Variants in KIAA1217 observed in about 807,000 individuals in gnomAD.
The protein encoded by KIAA1217 is KIAA1217, also known as sickle tail protein homolog.
KIAA1217 carries 88 observed loss-of-function variants against 163.9 expected under a neutral mutation model. The ratio of observed to expected loss-of-function variants is 0.54; its 90% confidence interval spans 0.45 to 0.64. The LOEUF is 0.64. Ranked by LOEUF, KIAA1217 falls within the 30% of genes least tolerant of loss-of-function variation. KIAA1217 has a pLI of 0.00. For missense variants in KIAA1217, 2,372 were observed against 2,475.0 expected, an observed-to-expected ratio of 0.96 and a Z score of 0.88; for synonymous variants, 903 against 923.1, an observed-to-expected ratio of 0.98 and a Z score of 0.39.
At chr10:24,003,520 C>A (rs1016668056) in intron 1 of KIAA1217, among the ~76,000 whole-genome samples, 7 of 152,184 alleles carry the variant, frequency 4.6e-5, no homozygotes, top group African/African-American at 1.7e-4. Context: ...ATATCATCAA[C>A]TGTTTCACAT....
intron 1 of KIAA1217, among the ~76,000 whole-genome samples, chr10:23,989,691 T>A (rs1846132918): frequency 6.6e-6 from 1 of 152,208 alleles, no homozygotes; most frequent in African/African-American, 2.4e-5. Context: ...AATTAGGGAT[T>A]TTTATTTAGG....
intron 2 of KIAA1217, among the ~76,000 whole-genome samples, chr10:24,106,150 G>T (rs571996299): frequency 7.2e-5 from 11 of 152,266 alleles, no homozygotes; most frequent in African/African-American, 2.6e-4. Flanking sequence ...AGGACACAAG[G>T]GTGGCAGGGG....
chr10:24,404,507 C>G (rs576188292), intron 3 of KIAA1217, among the ~76,000 whole-genome samples: 1 of 132,670 alleles, frequency 7.5e-6, no homozygotes, highest in Non-Finnish European at 1.5e-5. Flanking sequence ...GCAGAGGTTG[C>G]AGTGAGCTGA....
At chr10:23,744,103 C>T (rs540268796) in intron 1 of KIAA1217, among the ~76,000 whole-genome samples, 2 of 152,206 alleles carry the variant, frequency 1.3e-5, no homozygotes, top group South Asian at 4.2e-4. Flanking sequence ...GCTAGATGGG[C>T]CTGGATCAGG....
chr10:24,206,558 C>G (rs780954691), upstream of KIAA1217, among the ~76,000 whole-genome samples: 2 of 152,248 alleles, frequency 1.3e-5, no homozygotes, highest in African/African-American at 4.8e-5. Context: ...AAATAGAGTG[C>G]CTTCTCAAAT....
intron 1 of KIAA1217, among the ~76,000 whole-genome samples, chr10:23,905,572 G>A (rs1281413248): frequency 2.0e-5 from 3 of 152,150 alleles, no homozygotes; most frequent in East Asian, 1.9e-4. Flanking sequence ...CTTCAGTTGC[G>A]CTACATTGCC....
chr10:24,145,216 A>G, intron 2 of KIAA1217, among the ~76,000 whole-genome samples: 1 of 152,168 alleles, frequency 6.6e-6, no homozygotes, highest in African/African-American at 2.4e-5. Context: ...CGGTCACACA[A>G]ACAGGTCTTG....
At chr10:24,205,302 C>CAAAAAA (rs61292023), upstream of KIAA1217, among the ~76,000 whole-genome samples, 1 of 36,610 alleles carries the variant, frequency 2.7e-5, no homozygotes, top group Non-Finnish European at 5.4e-5. Flanking sequence ...ACTAAAAATA[C>CAAAAAA]AAAAAAAAAA....
At chr10:24,083,346 G>T (rs2061597610) in intron 2 of KIAA1217, among the ~76,000 whole-genome samples, 1 of 152,070 alleles carries the variant, frequency 6.6e-6, no homozygotes, top group Non-Finnish European at 1.5e-5. Context: ...CTGGTGCATG[G>T]GTGTCACCAA....
chr10:23,954,726 G>A (rs1844484734), intron 1 of KIAA1217, among the ~76,000 whole-genome samples: 1 of 152,170 alleles, frequency 6.6e-6, no homozygotes, highest in African/African-American at 2.4e-5. Context: ...AACTTGACAT[G>A]TCACTTTAAT....
At chr10:24,517,978 G>A (rs11014136) in intron 10 of KIAA1217, among the ~76,000 whole-genome samples, 11,466 of 152,218 alleles carry the variant, frequency 0.075, 1,011 homozygotes, top group African/African-American at 0.22. Context: ...CTGGGTGACA[G>A]AGAGAGACTG....
At chr10:24,246,767 C>G (rs2073848494) in intron 2 of KIAA1217, among the ~76,000 whole-genome samples, 1 of 152,114 alleles carries the variant, frequency 6.6e-6, no homozygotes, top group Non-Finnish European at 1.5e-5. Context: ...TCTGTAATCC[C>G]ATCTTGGAAG....
At chr10:24,513,533 C>A (rs1459805512) in intron 10 of KIAA1217, 99 bp downstream of exon 10, 2 of 1,093,530 alleles carry the variant, frequency 1.8e-6, no homozygotes, top group Non-Finnish European at 2.7e-6. Flanking sequence ...CTTGCCCTCT[C>A]TTTATTGAGC....
intron 1 of KIAA1217, among the ~76,000 whole-genome samples, chr10:23,814,883 C>T (rs965693133): frequency 6.6e-6 from 1 of 151,674 alleles, no homozygotes; most frequent in African/African-American, 2.4e-5. Context: ...GTGAAAGATC[C>T]AGTGTTTTTC....
intron 2 of KIAA1217, among the ~76,000 whole-genome samples, chr10:24,333,066 G>A (rs914594450): frequency 2.6e-5 from 4 of 152,118 alleles, no homozygotes; most frequent in Admixed American, 2.6e-4. Context: ...CTGTCACCCA[G>A]GCTGGAGCGG....
In KIAA1217 at chr10:24,081,634, G is replaced by T. The variant is rs114106510; in HGVS notation, c.-171+74260G>T. Among the ~76,000 whole-genome samples, 339 of 152,172 alleles carry T rather than the reference G, an allele frequency of 2.2e-3. 2 individuals carry two copies. Among genetic ancestry groups the T allele is most frequent in the African/African-American group, 7.7e-3 (321 of 41,508 alleles). On this transcript the variant is annotated intron_variant, in intron 2 of 18. Transcript: ENST00000376462. Reference sequence around the variant, plus strand: ...TAAAACAGAGGTGTCCAATCTTTTGGCTTCCCTGGGCCACATTGGAAAAAG... The same window carrying T: ...TAAAACAGAGGTGTCCAATCTTTTGTCTTCCCTGGGCCACATTGGAAAAAG...
rs76015816 is a variant in KIAA1217 at position 24,470,459 on chromosome 10, G to A, written c.847-2769G>A. ...AGGGCAGGGGCCATGCAGAGCAGAC[G>A]CACCTGGAGCCTGACCTCGAACCTT... On this transcript the variant is annotated intron_variant, in intron 5 of 20. Coordinates refer to ENST00000376454, the MANE Select transcript of KIAA1217 (RefSeq NM_019590.5). 5.9e-5 allele frequency among the ~76,000 whole-genome samples: 9 copies of A among 152,222 alleles called. No individual in the cohort carries two copies. The East Asian group carries it at 1.2e-3, about 20-fold the overall frequency.
chr10:23,696,408 C>A (rs548249356), intron 1 of KIAA1217, among the ~76,000 whole-genome samples: 1 of 151,794 alleles, frequency 6.6e-6, no homozygotes, highest in African/African-American at 2.4e-5. Flanking sequence ...AATGGAAATC[C>A]CACTTAGCTT....
At chr10:24,047,295 C>T (rs1849105263) in intron 2 of KIAA1217, among the ~76,000 whole-genome samples, 1 of 152,150 alleles carries the variant, frequency 6.6e-6, no homozygotes, top group African/African-American at 2.4e-5. Context: ...GGTCCTAGTA[C>T]AAGCCTGCAG....
Sources: allele counts gnomAD v4.1 joint callset (sites outside exome capture counted in the v4.1 genomes callset), GRCh38; gene constraint gnomAD v4.1.1; transcripts MANE v1.5; gene names NCBI Gene and HGNC (gene_info 2026-07-23, HGNC 2026-07-21).